Variants in SLC5A11 observed in about 807,000 individuals in gnomAD.
SLC5A11 encodes sodium/myo-inositol cotransporter 2.
SLC5A11 carries 48 observed loss-of-function variants against 69.8 expected under a neutral mutation model. The ratio of observed to expected loss-of-function variants is 0.69; its 90% CI spans 0.55 to 0.87. The LOEUF (loss-of-function observed/expected upper bound fraction) is 0.87, where lower values mean the gene tolerates loss of function less well. Among genes scored for constraint, SLC5A11 ranks in the 40% least tolerant of loss-of-function variants. The probability of loss-of-function intolerance (pLI) is 0.00; values close to 1 mark genes in which losing one functional copy is unlikely to be tolerated. For synonymous variants in SLC5A11, 319 were observed against 342.4 expected (o/e 0.93, Z 0.75); for missense variants, 784 against 866.1 (o/e 0.91, Z 1.19).
chr16:24,909,183 CTGAT>C, intron 14 of SLC5A11, 87 bp downstream of exon 15: 2 of 1,397,570 alleles, frequency 1.4e-6, no homozygotes, highest in Non-Finnish European at 2.0e-6. Flanking sequence ...GCGAAGGAGA[CTGAT>C]TGTCCAAAAA....
At chr16:24,873,327 G>A (rs953988046) in intron 5 of SLC5A11, among the ~76,000 whole-genome samples, 5 of 151,322 alleles carry the variant, frequency 3.3e-5, no homozygotes, top group African/African-American at 1.2e-4. Context: ...TACCCTGCAA[G>A]CCTTTAGAAA....
At chr16:24,870,145 C>T in intron 4 of SLC5A11, 140 bp downstream of exon 5, 1 of 579,942 alleles carries the variant, frequency 1.7e-6, no homozygotes, top group Non-Finnish European at 3.0e-6. Flanking sequence ...GTAATCTCAG[C>T]ACTTTGGGAG....
chr16:24,910,485 G>A lies in SLC5A11; in HGVS notation c.1822+8G>A, dbSNP rs1395002492. On this transcript the variant is annotated splice_region_variant and intron_variant, in intron 15 of 15. Transcript: ENST00000347898. Reference sequence around the variant, plus strand: ...CGTCTAAAACCCACAGCTGTGAGTAGCTTCTCTCCTCAGTTACAGCAAGAA... The same window carrying A: ...CGTCTAAAACCCACAGCTGTGAGTAACTTCTCTCCTCAGTTACAGCAAGAA... 1.2e-6 allele frequency: 2 copies of A among 1,613,314 alleles called. No individual in the cohort carries two copies. The highest frequency in any genetic ancestry group is 3.3e-5 in the Admixed American group (2 of 59,924).
intron 1 of SLC5A11, among the ~76,000 whole-genome samples, chr16:24,848,541 G>T (rs187306833): frequency 6.6e-6 from 1 of 152,182 alleles, no homozygotes; most frequent in African/African-American, 2.4e-5. Context: ...AGCCCATGGG[G>T]TTGAGGCTGC....
chr16:24,890,838 T>C (rs2048745453), intron 8 of SLC5A11, 31 bp from the exon 10 acceptor site: 1 of 1,609,826 alleles, frequency 6.2e-7, no homozygotes, highest in Non-Finnish European at 8.5e-7. Flanking sequence ...CAATCTGAGT[T>C]CCCGGAAAAT....
intron 15 of SLC5A11, among the ~76,000 whole-genome samples, 181 bp downstream of exon 16, chr16:24,910,658 C>T (rs1473576795): frequency 2.0e-5 from 3 of 151,892 alleles, no homozygotes; most frequent in African/African-American, 7.3e-5. Context: ...TTTTTAGTAA[C>T]TTTCAACAAG....
intron 2 of SLC5A11, 24 bp from the exon 4 acceptor site, chr16:24,862,577 C>T: frequency 1.3e-6 from 2 of 1,599,022 alleles, no homozygotes; most frequent in Non-Finnish European, 1.7e-6. Flanking sequence ...CTTCCCTCAC[C>T]CACCTCTCTT....
intron 8 of SLC5A11, among the ~76,000 whole-genome samples, chr16:24,890,441 G>T (rs1416776477): frequency 1.6e-5 from 2 of 121,766 alleles, no homozygotes; most frequent in African/African-American, 6.4e-5. Context: ...CCAAGATCAT[G>T]CTACTACACT....
At chr16:24,876,098 A>G (rs1446242611) in intron 6 of SLC5A11, among the ~76,000 whole-genome samples, 2 of 151,836 alleles carry the variant, frequency 1.3e-5, no homozygotes. Context: ...CGGGAGGCTG[A>G]GGCAGGAGAA....
chr16:24,907,657 A>G (rs2050167224), intron 12 of SLC5A11, among the ~76,000 whole-genome samples: 1 of 151,890 alleles, frequency 6.6e-6, no homozygotes, highest in Non-Finnish European at 1.5e-5. Flanking sequence ...GCAGTGAGCC[A>G]AGATGACGCA....
At chr16:24,849,249 G>A (rs562267850) in intron 1 of SLC5A11, among the ~76,000 whole-genome samples, 25 of 152,220 alleles carry the variant, frequency 1.6e-4, no homozygotes, top group African/African-American at 4.6e-4. Flanking sequence ...TAACTCGCAC[G>A]TGTGAACTTT....
chr16:24,892,131 G>A (rs2048855348), intron 9 of SLC5A11, among the ~76,000 whole-genome samples: 1 of 151,832 alleles, frequency 6.6e-6, no homozygotes. Context: ...GGAGGCTGAG[G>A]TGGGAGGATT....
chr16:24,879,881 G>A (rs547529039), intron 7 of SLC5A11, among the ~76,000 whole-genome samples: 55 of 152,264 alleles, frequency 3.6e-4, no homozygotes, highest in African/African-American at 1.2e-3. Context: ...GTAGTATTTC[G>A]TGGTATATCT....
chr16:24,853,759 G>A (rs1412053428), intron 1 of SLC5A11, among the ~76,000 whole-genome samples: 5 of 152,208 alleles, frequency 3.3e-5, no homozygotes, highest in Non-Finnish European at 7.3e-5. Flanking sequence ...GTGAAATGGA[G>A]GTGAAATCAC....
intron 11 of SLC5A11, 115 bp downstream of exon 12, chr16:24,906,879 T>C (rs922033604): frequency 7.2e-7 from 1 of 1,396,526 alleles, no homozygotes; most frequent in Admixed American, 2.1e-5. Flanking sequence ...GGAGGAAGAC[T>C]CTGGGCTCCC....
chr16:24,851,630 G>T (rs2059311873), intron 1 of SLC5A11, among the ~76,000 whole-genome samples: 1 of 152,102 alleles, frequency 6.6e-6, no homozygotes, highest in African/African-American at 2.4e-5. Flanking sequence ...TAAAAAAAAT[G>T]GTTTTATAAA....
At chr16:24,900,370 G>A (rs1349596808) in intron 10 of SLC5A11, among the ~76,000 whole-genome samples, 4 of 152,164 alleles carry the variant, frequency 2.6e-5, no homozygotes, top group Admixed American at 6.6e-5. Context: ...AAATAATTTA[G>A]GACCCTTAAG....
chr16:24,876,087 T>C (rs1228320764), intron 6 of SLC5A11, among the ~76,000 whole-genome samples: 4 of 151,750 alleles, frequency 2.6e-5, no homozygotes, highest in Non-Finnish European at 5.9e-5. Flanking sequence ...TCCCAGCTAT[T>C]CGGGAGGCTG....
At chr16:24,870,058 G>A (rs918323107) in intron 4 of SLC5A11, 53 bp downstream of exon 5, 1 of 1,288,616 alleles carries the variant, frequency 7.8e-7, no homozygotes, top group African/African-American at 1.5e-5. Context: ...CTAACAGGTA[G>A]ATCTCAGGGG....
Sources: gnomAD v4.1 joint callset for allele counts (sites outside exome capture counted in the v4.1 genomes callset) on GRCh38, gnomAD v4.1.1 for gene constraint, MANE v1.5 for transcripts, NCBI Gene and HGNC (gene_info 2026-07-23, HGNC 2026-07-21) for gene names.